Variants in OR8B8 observed in about 807,000 individuals in gnomAD.
OR8B8 encodes the protein olfactory receptor family 8 subfamily B member 8, also known as olfactory receptor 8B8.
Under a neutral mutation model 10.5 loss-of-function variants are expected in OR8B8, and 8 were observed. The observed-to-expected ratio is 0.76, with a 90% CI of 0.45 to 1.38. The LOEUF (loss-of-function observed/expected upper bound fraction) is 1.38. Among genes scored for constraint, OR8B8 ranks in the 40% most tolerant of loss-of-function variants. OR8B8 has a pLI of 0.00. For missense variants in OR8B8, 390 were observed against 380.5 expected (o/e 1.03, Z -0.21); for synonymous variants, 150 against 145.2 (o/e 1.03, Z -0.24).
rs1453331462 is a variant in OR8B8 at position 124,438,766 on chromosome 11, A to C, written c.*1384T>G. ...GGGTTAGCAACAGCAGGGAGACATT[A>C]TCACTCCTTGGCATGAAGAGACGAG... On this transcript the variant is annotated 3_prime_UTR_variant, in exon 3 of 3. Coordinates refer to ENST00000642064, the MANE Select transcript of OR8B8 (RefSeq NM_012378.2). The C allele has an allele frequency of 6.6e-6, 1 of 152,272 alleles. No individual in the cohort carries two copies. Among genetic ancestry groups the C allele is most frequent in the African/African-American group, 2.4e-5 (1 of 41,470 alleles). The allele number at this position is 152,272 out of a possible 1,614,324, so 9.4% of individuals were successfully genotyped here.
intron 1 of OR8B8, among the ~76,000 whole-genome samples, chr11:124,443,391 C>T (rs1861496425): frequency 6.6e-6 from 1 of 152,104 alleles, no homozygotes; most frequent in Admixed American, 6.5e-5. Flanking sequence ...GTGACATGGT[C>T]AGAGTTGTGG....
Position 124,440,911 on chromosome 11 carries a change from TA to T in OR8B8, c.174del (p.Met59CysfsTer11). 1 of 1,614,096 alleles carries T rather than the reference TA, an allele frequency of 6.2e-7. No individual in the cohort carries two copies. The highest frequency in any genetic ancestry group is 1.1e-5 in the South Asian group (1 of 91,064). ...LIRLNSHLHT[P>X]MYFFLYNLSF... ...GACAAGTTATAGAGGAAGAAGTACA[TA>T]GGGGTGTGCAAGTGAGAGTTGAGCC... On this transcript the variant is annotated frameshift_variant, in exon 3 of 3. Coordinates refer to ENST00000642064, the MANE Select transcript of OR8B8 (RefSeq NM_012378.2). LOFTEE classifies it high-confidence loss of function.
chr11:124,440,691 T>C lies in OR8B8; in HGVS notation c.395A>G (p.Tyr132Cys). The change falls in exon 3 of 3, where the codon TAC becomes TGC. Residue 132 changes from tyrosine to cysteine, a missense_variant. Tyr to Cys is a radical substitution (Grantham distance 194). Coordinates refer to ENST00000642064, the MANE Select transcript of OR8B8 (RefSeq NM_012378.2). Reference protein sequence around the residue: ...RYVAICNPLLYMVTMSPQVCF... With the variant: ...RYVAICNPLLCMVTMSPQVCF... ...CACCTGGGGAGACATGGTGACCATG[T>C]ACAACAGTGGGTTACAGATGGCCAC... is the stretch of plus-strand genomic sequence containing the variant. The C allele has an allele frequency of 1.2e-6, 2 of 1,614,154 alleles. No individual in the cohort carries two copies. The highest frequency in any genetic ancestry group is 1.7e-6 in the Non-Finnish European group (2 of 1,180,028).
In OR8B8 at chr11:124,440,301, G is replaced by A. The variant is rs377463612; in HGVS notation, c.785C>T (p.Pro262Leu). 1.2e-6 allele frequency: 2 copies of A among 1,614,156 alleles called. No homozygotes were observed. Among genetic ancestry groups the A allele is most frequent in the South Asian group, 2.2e-5 (2 of 91,066 alleles). ...FGSGAFMYLK[P>L]FSLLAMNQGK... ...CTGGTTCATAGCTAAAAGAGAAAAGGGTTTGAGGTACATGAATGCTCCTGA... is the reference window on the plus strand; with the variant it reads ...CTGGTTCATAGCTAAAAGAGAAAAGAGTTTGAGGTACATGAATGCTCCTGA... The change falls in exon 3 of 3, where the codon CCC (proline) becomes CTC (leucine). Residue 262 changes from proline to leucine, a missense_variant. Transcript: ENST00000642064.
chr11:124,440,676 G>C lies in OR8B8; in HGVS notation c.410C>G (p.Ser137Cys), dbSNP rs1861459854. The C allele has an allele frequency of 6.2e-7, 1 of 1,614,044 alleles. No individual in the cohort carries two copies. Among genetic ancestry groups the C allele is most frequent in the Non-Finnish European group, 8.5e-7 (1 of 1,180,010 alleles). The change falls in exon 3 of 3, where the codon TCT becomes TGT. Residue 137 changes from serine to cysteine, a missense_variant. By Grantham distance (112) the Ser-to-Cys change is moderately radical. Coordinates refer to ENST00000642064, the MANE Select transcript of OR8B8 (RefSeq NM_012378.2). ...CNPLLYMVTM[S>C]PQVCFLLLLG... Reference sequence around the variant, plus strand: ...CAAAAGGAGAAAACACACCTGGGGAGACATGGTGACCATGTACAACAGTGG... The same window carrying C: ...CAAAAGGAGAAAACACACCTGGGGACACATGGTGACCATGTACAACAGTGG...
intron 1 of OR8B8, among the ~76,000 whole-genome samples, chr11:124,444,425 G>A (rs141467626): frequency 4.6e-5 from 7 of 152,068 alleles, no homozygotes; most frequent in South Asian, 4.2e-4. Context: ...AATAATTATC[G>A]GCTCACACCT....
rs147220624 is a variant in OR8B8 at position 124,440,214 on chromosome 11, C to A, written c.872G>T (p.Ser291Ile). 8.8e-5 allele frequency: 142 copies of A among 1,614,148 alleles called. No individual in the cohort carries two copies. In the African/African-American group the frequency reaches 1.7e-3, roughly 19 times the overall value. Reference sequence around the variant, plus strand: ...AACTTTGACGTCCTTATTCCTCAGGCTATAAATTAATGGGTTGAGCATGGG... The same window carrying A: ...AACTTTGACGTCCTTATTCCTCAGGATATAAATTAATGGGTTGAGCATGGG... ...VVPMLNPLIY[S>I]LRNKDVKVAL... The change falls in exon 3 of 3, where the codon AGC (serine) becomes ATC (isoleucine). Residue 291 changes from serine to isoleucine, a missense_variant. Ser to Ile is a moderately radical substitution (Grantham distance 142). Transcript: ENST00000642064.
At chr11:124,442,712 T>C (rs1048921389) in intron 1 of OR8B8, among the ~76,000 whole-genome samples, 2 of 152,204 alleles carry the variant, frequency 1.3e-5, no homozygotes, top group African/African-American at 2.4e-5. Flanking sequence ...CACGGGATAT[T>C]TGCTTTCTCG....
Position 124,438,243 on chromosome 11 carries a change from G to T in OR8B8, c.*1907C>A, listed in dbSNP as rs1861425728. The T allele has an allele frequency of 6.6e-6, 1 of 152,124 alleles. No homozygotes were observed. Among genetic ancestry groups the T allele is most frequent in the Non-Finnish European group, 1.5e-5 (1 of 68,054 alleles). 9.4% of individuals were successfully genotyped at this position (152,124 alleles called of 1,614,324 possible). A position where few individuals can be genotyped will look rare whatever the true frequency, so the allele number is the denominator to read the frequency against. On this transcript the variant is annotated 3_prime_UTR_variant, in exon 3 of 3. Coordinates refer to ENST00000642064, the MANE Select transcript of OR8B8 (RefSeq NM_012378.2). ...GGCTCTGCTCTTTTTGAGTCTTTATGCTGCTCTGCCCCTCTCAATCCCATA... is the reference window on the plus strand; with the variant it reads ...GGCTCTGCTCTTTTTGAGTCTTTATTCTGCTCTGCCCCTCTCAATCCCATA...
Position 124,440,418 on chromosome 11 carries a change from G to T in OR8B8, c.668C>A (p.Ser223Tyr). 6.2e-7 allele frequency: 1 copy of T among 1,614,170 alleles called. No homozygotes were observed. Among genetic ancestry groups the T allele is most frequent in the Non-Finnish European group, 8.5e-7 (1 of 1,180,048 alleles). The part of the protein sequence containing the change: ...TIFISYALIL[S>Y]SIFHIDSTEG... ...CGTGGAATCAATGTGGAAGATGCTG[G>T]AGAGAATGAGAGCATAGGAAATGAA... The change falls in exon 3 of 3, where the codon TCC becomes TAC. Residue 223 changes from serine (S) to tyrosine (Y), a missense_variant. Coordinates refer to ENST00000642064, the MANE Select transcript of OR8B8 (RefSeq NM_012378.2).
At chr11:124,441,990 C>T (rs1438298379) in intron 1 of OR8B8, among the ~76,000 whole-genome samples, 2 of 152,158 alleles carry the variant, frequency 1.3e-5, no homozygotes, top group Non-Finnish European at 2.9e-5. Flanking sequence ...AACATCTACT[C>T]GGAAATATGC....
At position 124,439,918 on chromosome 11, in the gene OR8B8, A is replaced by G. The variant is rs11219659; in HGVS notation, c.*232T>C. The G allele has an allele frequency of 0.29, 133,514 of 456,444 alleles. 21,951 individuals are homozygous for G. Among genetic ancestry groups the G allele is most frequent in the East Asian group, 0.55 (16,196 of 29,292 alleles). The allele number at this position is 456,444 out of a possible 1,614,324, so 28.3% of individuals were successfully genotyped here. ...CTGAGCAGCTGAGCGACCTCGGGGA[A>G]GGTACATAAGCTTGAGTCTATCCTC... is the stretch of plus-strand genomic sequence containing the variant. On this transcript the variant is annotated 3_prime_UTR_variant, in exon 3 of 3. Coordinates refer to ENST00000642064, the MANE Select transcript of OR8B8 (RefSeq NM_012378.2).
Position 124,440,288 on chromosome 11 carries a change from TAAAAG to T in OR8B8, c.793_797del (p.Leu265SerfsTer25), listed in dbSNP as rs1356090962. 5.6e-6 allele frequency: 9 copies of T among 1,613,984 alleles called. No individual in the cohort carries two copies. The South Asian group carries it at 8.8e-5, about 16-fold the overall frequency. On this transcript the variant is annotated frameshift_variant, in exon 3 of 3. Coordinates refer to ENST00000642064, the MANE Select transcript of OR8B8 (RefSeq NM_012378.2). LOFTEE classifies it high-confidence loss of function. ...AAGACACCTTGCCCTGGTTCATAGC[TAAAAG>T]AGAAAAGGGTTTGAGGTACATGAAT... is the stretch of plus-strand genomic sequence containing the variant.
At position 124,440,339 on chromosome 11, in the gene OR8B8, A is replaced by T; in HGVS notation, c.747T>A (p.Ser249=). The T allele has an allele frequency of 6.2e-7, 1 of 1,614,212 alleles. No individual in the cohort carries two copies. The part of the protein sequence containing the change: ...STCSSHIIAV[S]LFFGSGAFMY... ...TGAATGCTCCTGACCCAAAGAACAG[A>T]GAAACTGCAATTATGTGGGAGCTGC... is the stretch of plus-strand genomic sequence containing the variant. Residue 249 remains serine (S), a synonymous_variant, in exon 3 of 3, where the codon TCT becomes TCA. Coordinates refer to ENST00000642064, the MANE Select transcript of OR8B8 (RefSeq NM_012378.2).
Position 124,437,766 on chromosome 11 carries a change from C to A in OR8B8, c.*2384G>T, listed in dbSNP as rs896868298. 1 of 152,010 alleles carries A rather than the reference C, an allele frequency of 6.6e-6. No individual in the cohort carries two copies. The highest frequency in any genetic ancestry group is 1.5e-5 in the Non-Finnish European group (1 of 68,022). 9.4% of individuals were successfully genotyped at this position (152,010 alleles called of 1,614,324 possible). On this transcript the variant is annotated 3_prime_UTR_variant, in exon 3 of 3. Transcript: ENST00000642064. ...GACACTAACCTCATTCATGAGGGCC[C>A]CACCCTCATTACCTAATCACCTCCC...
At chr11:124,442,174 C>T (rs748164880) in intron 1 of OR8B8, among the ~76,000 whole-genome samples, 9 of 152,092 alleles carry the variant, frequency 5.9e-5, no homozygotes, top group Non-Finnish European at 1.3e-4. Context: ...TTTTATCACC[C>T]TCATTTTAGA....
Position 124,440,481 on chromosome 11 carries a change from A to G in OR8B8, c.605T>C (p.Val202Ala), listed in dbSNP as rs1565361756. The G allele has an allele frequency of 6.2e-7, 1 of 1,614,236 alleles. No individual in the cohort carries two copies. The highest frequency in any genetic ancestry group is 8.5e-7 in the Non-Finnish European group (1 of 1,180,038). ...GGGCACACCAATATCAATGCCCACA[A>G]CAACAAACACTACAAGCTCATTCAC... ...TYVNELVVFV[V>A]VGIDIGVPTV... Residue 202 changes from valine to alanine, a missense_variant, in exon 3 of 3, where the codon GTT becomes GCT. By Grantham distance (64) the Val-to-Ala change is moderately conservative (BLOSUM62 0). Coordinates refer to ENST00000642064, the MANE Select transcript of OR8B8 (RefSeq NM_012378.2).
chr11:124,443,841 A>T (rs888560039), intron 1 of OR8B8, among the ~76,000 whole-genome samples: 2 of 152,122 alleles, frequency 1.3e-5, no homozygotes, highest in Non-Finnish European at 2.9e-5. Flanking sequence ...CCCTCCTTTC[A>T]GCCCTAGGAC....
rs966549857 is a variant in OR8B8 at position 124,439,207 on chromosome 11, G to T, written c.*943C>A. ...AGATCCATAACTGACCACCCTAGGC[G>T]GTGGACTTCTCCATCTTGAAGTTTT... On this transcript the variant is annotated 3_prime_UTR_variant, in exon 3 of 3. Coordinates refer to ENST00000642064, the MANE Select transcript of OR8B8 (RefSeq NM_012378.2). 6.6e-6 allele frequency: 1 copy of T among 152,344 alleles called. No homozygotes were observed. The highest frequency in any genetic ancestry group is 2.4e-5 in the African/African-American group (1 of 41,424). 9.4% of individuals were successfully genotyped at this position (152,344 alleles called of 1,614,324 possible).
Sources: allele counts gnomAD v4.1 joint callset (sites outside exome capture counted in the v4.1 genomes callset), GRCh38; gene constraint gnomAD v4.1.1; transcripts MANE v1.5; gene names NCBI Gene and HGNC (gene_info 2026-07-23, HGNC 2026-07-21).